ADAMTS9: variants seen among roughly 807,000 people sequenced by gnomAD.
ADAMTS9 encodes the protein A disintegrin and metalloproteinase with thrombospondin motifs 9.
ADAMTS9 carries 107 observed loss-of-function variants against 257.1 expected under a neutral mutation model. That is an observed-to-expected ratio of 0.42 (90% confidence interval 0.36 to 0.49). The LOEUF is 0.49. Among genes scored for constraint, ADAMTS9 ranks in the 20% least tolerant of loss-of-function variants. ADAMTS9 has a pLI of 0.03. For missense variants in ADAMTS9, 2,353 were observed against 2,469.1 expected (o/e 0.95, Z 1.00); for synonymous variants, 982 against 880.9 (o/e 1.11, Z -2.03).
At chr3:64,648,083 AT>A in intron 10 of ADAMTS9, 39 bp from the exon 11 acceptor site, 1 of 1,565,542 alleles carries the variant, frequency 6.4e-7, no homozygotes. Context: ...GTGACAAGTG[AT>A]TTATTTGGCA....
At position 64,633,563 on chromosome 3, in the gene ADAMTS9, T is replaced by C; in HGVS notation, c.2084A>G (p.Asn695Ser). 2 of 1,614,046 alleles carry C rather than the reference T, an allele frequency of 1.2e-6. No individual in the cohort carries two copies. Among genetic ancestry groups the C allele is most frequent in the Non-Finnish European group, 1.7e-6 (2 of 1,179,996 alleles). ...GTCTCGAAGCTGATAGTAGGCTGTG[T>C]TCCCTGCCACTCTGCAGAACAACTT... ...RCKLFCRVAG[N>S]TAYYQLRDRV... is the part of the protein sequence containing the mutation. Residue 695 changes from asparagine (N) to serine (S), a missense_variant, in exon 14 of 40, where the codon AAC becomes AGC. Transcript: ENST00000498707.
intron 4 of ADAMTS9, among the ~76,000 whole-genome samples, chr3:64,657,210 A>C (rs1054780012): frequency 9.2e-5 from 14 of 152,240 alleles, no homozygotes; most frequent in African/African-American, 3.1e-4. Flanking sequence ...AAATTGAGGT[A>C]TGCTGAGAGT....
intron 28 of ADAMTS9, among the ~76,000 whole-genome samples, chr3:64,576,699 C>G (rs7617040): frequency 0.13 from 20,105 of 152,144 alleles, 1,802 homozygotes; most frequent in African/African-American, 0.24. Flanking sequence ...CACGGTCATC[C>G]CAGCCGGATG....
In ADAMTS9 at chr3:64,687,849, C is replaced by T; in HGVS notation, c.-192G>A. On this transcript the variant is annotated 5_prime_UTR_variant, in exon 1 of 40. Transcript: ENST00000498707. This position sits in a 1 kb window ranked among gnomAD's most constrained non-coding sequence, Gnocchi z 4.4. The stretch of plus-strand genomic sequence containing the variant: ...GCGCTCGGCTGAGCAACGCCGCCGC[C>T]TGCCGAGAGCTGAGCCGCTCGGGCC... The T allele has an allele frequency of 2.2e-6, 1 of 452,752 alleles. No homozygotes were observed. The highest frequency in any genetic ancestry group is 4.4e-5 in the Admixed American group (1 of 22,916). The allele number at this position is 452,752 out of a possible 1,614,324, so 28.0% of individuals were successfully genotyped here. A position where few individuals can be genotyped will look rare whatever the true frequency, so the allele number is the denominator to read the frequency against.
intron 21 of ADAMTS9, among the ~76,000 whole-genome samples, chr3:64,614,416 T>C (rs2084722663): frequency 6.6e-6 from 1 of 152,214 alleles, no homozygotes; most frequent in Admixed American, 6.5e-5. Flanking sequence ...TCAGGGGCAT[T>C]AAGAGTATCC....
At chr3:64,591,011 C>T (rs1419450951) in intron 28 of ADAMTS9, among the ~76,000 whole-genome samples, 6 of 152,158 alleles carry the variant, frequency 3.9e-5, no homozygotes, top group African/African-American at 1.4e-4. Context: ...GATTTTTAGC[C>T]TACTTTCTGC....
chr3:64,548,328 T>G (rs2083228072), intron 31 of ADAMTS9, among the ~76,000 whole-genome samples: 1 of 152,174 alleles, frequency 6.6e-6, no homozygotes, highest in Non-Finnish European at 1.5e-5. Flanking sequence ...CTGTGTACAT[T>G]TCTTCCTTCT....
At chr3:64,618,910 G>A (rs989909235) in intron 19 of ADAMTS9, among the ~76,000 whole-genome samples, 1 of 152,060 alleles carries the variant, frequency 6.6e-6, no homozygotes, top group Non-Finnish European at 1.5e-5. Context: ...ATGTCTAAAG[G>A]CTTCCAATGC....
At chr3:64,657,131 T>C (rs1559814590) in intron 4 of ADAMTS9, among the ~76,000 whole-genome samples, 2 of 152,084 alleles carry the variant, frequency 1.3e-5, no homozygotes, top group Non-Finnish European at 2.9e-5. Flanking sequence ...AAGAAATACC[T>C]AGAGTTGCAC....
At chr3:64,573,082 A>AAAC (rs2083736490) in intron 28 of ADAMTS9, among the ~76,000 whole-genome samples, 1 of 67,670 alleles carries the variant, frequency 1.5e-5, no homozygotes, top group African/African-American at 6.5e-5. Flanking sequence ...TCCATCTTAA[A>AAAC]AAAAAAAAAA....
At chr3:64,574,308 C>G (rs1456935903) in intron 28 of ADAMTS9, among the ~76,000 whole-genome samples, 1 of 152,162 alleles carries the variant, frequency 6.6e-6, no homozygotes, top group Admixed American at 6.5e-5. Context: ...TTAATTCCAA[C>G]AGCAGTCTGG....
At chr3:64,545,892 G>C (rs910235449) in intron 32 of ADAMTS9, among the ~76,000 whole-genome samples, 17 of 152,264 alleles carry the variant, frequency 1.1e-4, no homozygotes, top group African/African-American at 4.1e-4. Flanking sequence ...TACCATGCCT[G>C]GCTGCCTGAC....
chr3:64,555,563 AC>A (rs1163023296), intron 30 of ADAMTS9, among the ~76,000 whole-genome samples: 1 of 152,126 alleles, frequency 6.6e-6, no homozygotes, highest in Non-Finnish European at 1.5e-5. Flanking sequence ...GGGGTTTAAC[AC>A]CTAGGGCTAC....
intron 28 of ADAMTS9, among the ~76,000 whole-genome samples, chr3:64,579,144 C>T (rs1369870448): frequency 6.6e-6 from 1 of 152,178 alleles, no homozygotes; most frequent in Non-Finnish European, 1.5e-5. Flanking sequence ...ATGTTCGTCT[C>T]CCTCAGTTTC....
intron 38 of ADAMTS9, 152 bp from the exon 39 acceptor site, chr3:64,522,412 G>T: frequency 1.8e-6 from 1 of 568,432 alleles, no homozygotes; most frequent in Non-Finnish European, 3.0e-6. Flanking sequence ...TAAAGCAGGG[G>T]CTGGCAAACT....
At position 64,531,188 on chromosome 3, in the gene ADAMTS9, T is replaced by C. The variant is rs140498307; in HGVS notation, c.5718+1978A>G. Reference sequence around the variant, plus strand: ...TTTTTCACAGACACAAACTTAATCATGGCAGCTAGAAAAAGAGATCAGGAA... The same window carrying C: ...TTTTTCACAGACACAAACTTAATCACGGCAGCTAGAAAAAGAGATCAGGAA... On this transcript the variant is annotated intron_variant, in intron 38 of 39. Transcript: ENST00000498707. Among the ~76,000 whole-genome samples the C allele has an allele frequency of 2.2e-3, 335 of 152,276 alleles. 1 individual carries two copies. Among genetic ancestry groups the C allele is most frequent in the African/African-American group, 7.0e-3 (293 of 41,572 alleles).
At chr3:64,518,391 C>G (rs1350814202) in intron 39 of ADAMTS9, among the ~76,000 whole-genome samples, 1 of 152,098 alleles carries the variant, frequency 6.6e-6, no homozygotes, top group East Asian at 1.9e-4. Context: ...AGGGAAGATG[C>G]AGGTGGGTCA....
chr3:64,597,059 T>C, intron 26 of ADAMTS9, 68 bp from the exon 27 acceptor site: 1 of 1,590,308 alleles, frequency 6.3e-7, no homozygotes, highest in Non-Finnish European at 8.6e-7. Flanking sequence ...AAGCAGCTGG[T>C]TGAAAGGTTA....
At chr3:64,606,038 T>C (rs1445809122) in intron 23 of ADAMTS9, among the ~76,000 whole-genome samples, 5 of 152,224 alleles carry the variant, frequency 3.3e-5, no homozygotes, top group Non-Finnish European at 7.3e-5. Context: ...AGTTGATATT[T>C]TCTTTATGTT....
Sources: gnomAD v4.1 joint callset for allele counts (sites outside exome capture counted in the v4.1 genomes callset) on GRCh38, gnomAD v4.1.1 for gene constraint, Gnocchi (gnomAD v3.1) non-coding constraint, MANE v1.5 for transcripts, NCBI Gene and HGNC (gene_info 2026-07-23, HGNC 2026-07-21) for gene names.